The following VWA8 variants were observed in gnomAD, a reference collection of about 807,000 sequenced individuals.
The protein encoded by VWA8 is von Willebrand factor A domain-containing protein 8.
Under a neutral mutation model 241.5 loss-of-function variants are expected in VWA8, and 221 were observed. That is an observed-to-expected ratio of 0.91 (90% CI 0.82 to 1.02). The LOEUF is 1.02. VWA8 is among the 50% of genes least tolerant of loss of function. The pLI, the probability that VWA8 is intolerant of heterozygous loss-of-function variation, is 0.00. For missense variants in VWA8, 2,322 were observed against 2,328.7 expected (o/e 1.00, Z 0.06); for synonymous variants, 852 against 827.1 (o/e 1.03, Z -0.52).
intron 35 of VWA8, among the ~76,000 whole-genome samples, chr13:41,677,675 A>C (rs2045069627): frequency 6.6e-6 from 1 of 152,066 alleles, no homozygotes; most frequent in Admixed American, 6.6e-5. Context: ...AGTTCTCTTA[A>C]AAAAAACTCC....
At chr13:41,585,859 G>A (rs1352580654) in intron 42 of VWA8, among the ~76,000 whole-genome samples, 9 of 127,278 alleles carry the variant, frequency 7.1e-5, no homozygotes, top group African/African-American at 2.1e-4. Flanking sequence ...GTGAGACACC[G>A]TCTTAAAAAA....
intron 34 of VWA8, among the ~76,000 whole-genome samples, chr13:41,688,323 C>G (rs890326548): frequency 1.3e-5 from 2 of 152,016 alleles, no homozygotes; most frequent in African/African-American, 4.8e-5. Flanking sequence ...ATATTTTTAT[C>G]TTTAAATAAT....
chr13:41,771,363 T>G (rs985325304), intron 20 of VWA8, among the ~76,000 whole-genome samples: 3 of 152,184 alleles, frequency 2.0e-5, no homozygotes, highest in Non-Finnish European at 4.4e-5. Flanking sequence ...CCTCAGGTGA[T>G]CCGCCCACCT....
intron 4 of VWA8, among the ~76,000 whole-genome samples, chr13:41,902,699 A>G (rs1024481375): frequency 6.6e-6 from 1 of 152,198 alleles, no homozygotes; most frequent in Non-Finnish European, 1.5e-5. Flanking sequence ...CCTATTACAT[A>G]TTATTATTAA....
intron 1 of VWA8, among the ~76,000 whole-genome samples, chr13:41,956,372 C>A (rs1351958140): frequency 6.6e-6 from 1 of 152,168 alleles, no homozygotes; most frequent in Non-Finnish European, 1.5e-5. Flanking sequence ...CAAGAGAAAA[C>A]TAAATATATC....
chr13:41,590,795 C>T (rs201606082), intron 40 of VWA8, 30 bp from the exon 41 acceptor site: 207 of 1,609,724 alleles, frequency 1.3e-4, no homozygotes, highest in Admixed American at 2.3e-4. Flanking sequence ...ACACACAAAG[C>T]CTTAATTAGT....
At chr13:41,752,891 A>T (rs2045666820) in intron 21 of VWA8, among the ~76,000 whole-genome samples, 1 of 152,146 alleles carries the variant, frequency 6.6e-6, no homozygotes, top group African/African-American at 2.4e-5. Flanking sequence ...ACTGGATTTG[A>T]TCTCTAAAAC....
chr13:41,802,467 C>A (rs1041069002), intron 17 of VWA8, among the ~76,000 whole-genome samples: 9 of 152,168 alleles, frequency 5.9e-5, no homozygotes, highest in Non-Finnish European at 1.2e-4. Context: ...TATGCTGAGT[C>A]GGTAGAGTTG....
At chr13:41,840,137 T>C (rs763514649) in intron 12 of VWA8, among the ~76,000 whole-genome samples, 9 of 152,184 alleles carry the variant, frequency 5.9e-5, no homozygotes, top group Non-Finnish European at 1.2e-4. Flanking sequence ...GTAGCAATTG[T>C]GAATGGGAGT....
intron 20 of VWA8, 146 bp from the exon 21 acceptor site, chr13:41,761,350 CAT>C (rs1034711818): frequency 1.5e-5 from 10 of 689,574 alleles, no homozygotes; most frequent in African/African-American, 5.4e-5. Flanking sequence ...AACTGGCAAA[CAT>C]ATATGGAATA....
In VWA8 at chr13:41,595,737, A is replaced by G. The variant is rs143243504; in HGVS notation, c.4987-4972T>C. ...CGGTATTCCATTGTATGACTTTGTCACAATTTACCCATTCTACAATTCTGC... is the reference window on the plus strand; with the variant it reads ...CGGTATTCCATTGTATGACTTTGTCGCAATTTACCCATTCTACAATTCTGC... On this transcript the variant is annotated intron_variant, in intron 40 of 44. Transcript: ENST00000379310. 7.9e-4 allele frequency among the ~76,000 whole-genome samples: 120 copies of G among 152,232 alleles called. 2 individuals are homozygous for G. The East Asian group carries it at 0.02, about 25-fold the overall frequency.
At chr13:41,945,148 C>T (rs1433926984) in intron 2 of VWA8, among the ~76,000 whole-genome samples, 1 of 152,154 alleles carries the variant, frequency 6.6e-6, no homozygotes, top group Admixed American at 6.5e-5. Flanking sequence ...CACACACAGA[C>T]TCTCAGCAAA....
At chr13:41,711,729 C>T (rs531790007) in intron 26 of VWA8, among the ~76,000 whole-genome samples, 6 of 152,030 alleles carry the variant, frequency 3.9e-5, no homozygotes, top group African/African-American at 7.2e-5. Flanking sequence ...AAAAAATTAG[C>T]GGGGCGTGGT....
chr13:41,733,947 AT>A (rs1237007523), intron 21 of VWA8, among the ~76,000 whole-genome samples: 3 of 152,206 alleles, frequency 2.0e-5, no homozygotes, highest in Non-Finnish European at 4.4e-5. Context: ...GGACTTTCAA[AT>A]TTATCAGATC....
At chr13:41,947,096 T>C (rs1337836985) in intron 2 of VWA8, among the ~76,000 whole-genome samples, 2 of 152,228 alleles carry the variant, frequency 1.3e-5, no homozygotes, top group Non-Finnish European at 2.9e-5. Flanking sequence ...ACTCCCACAC[T>C]GTTCCTTGGC....
At chr13:41,626,981 C>A (rs559880281) in intron 37 of VWA8, among the ~76,000 whole-genome samples, 21 of 152,166 alleles carry the variant, frequency 1.4e-4, no homozygotes, top group Non-Finnish European at 2.6e-4. Flanking sequence ...GGTAAAGAGA[C>A]AACCTATGGA....
intron 17 of VWA8, among the ~76,000 whole-genome samples, chr13:41,808,452 GAA>G: frequency 1.3e-5 from 2 of 152,252 alleles, no homozygotes; most frequent in Middle Eastern, 6.8e-3. Context: ...CAGAGCAGGA[GAA>G]AGAGAGAGAG....
chr13:41,624,833 A>T (rs1341503450), intron 37 of VWA8, among the ~76,000 whole-genome samples: 1 of 152,174 alleles, frequency 6.6e-6, no homozygotes, highest in Non-Finnish European at 1.5e-5. Flanking sequence ...GCAATCAGAC[A>T]AGATGAAGAA....
intron 29 of VWA8, among the ~76,000 whole-genome samples, chr13:41,694,365 A>T (rs564518253): frequency 6.6e-6 from 1 of 152,042 alleles, no homozygotes; most frequent in Non-Finnish European, 1.5e-5. Context: ...TTTACTAAGC[A>T]TGTTAACCAA....
Sources: gnomAD v4.1 joint callset for allele counts (sites outside exome capture counted in the v4.1 genomes callset) on GRCh38, gnomAD v4.1.1 for gene constraint, MANE v1.5 for transcripts, NCBI Gene and HGNC (gene_info 2026-07-23, HGNC 2026-07-21) for gene names.